Variants in ELOVL1 observed in about 807,000 individuals in gnomAD.
ELOVL1 encodes the protein very long chain fatty acid elongase 1.
A neutral mutation model predicts 37.8 loss-of-function variants in ELOVL1; 10 were observed. The ratio of observed to expected loss-of-function variants is 0.26; its 90% CI spans 0.16 to 0.45. The LOEUF (loss-of-function observed/expected upper bound fraction) is 0.45, where lower values mean the gene tolerates loss of function less well. ELOVL1 is among the 20% of genes least tolerant of loss of function. ELOVL1 has a pLI of 1.00. For synonymous variants in ELOVL1, 133 were observed against 123.8 expected, an observed-to-expected ratio of 1.07 and a Z score of -0.49; for missense variants, 256 against 352.7, an observed-to-expected ratio of 0.73 and a Z score of 2.20.
rs1433300793 is a variant in ELOVL1, at chr1:43,365,636, A to G, written c.-14-13T>C. On this transcript the variant is annotated splice_polypyrimidine_tract_variant and intron_variant, in intron 1 of 7. Transcript: ENST00000372458. ...CTGGCTAAGGACTCTGGGGAGGTACAGAGGGCGGATGTCAGACAGATCCCA... is the reference window on the plus strand; with the variant it reads ...CTGGCTAAGGACTCTGGGGAGGTACGGAGGGCGGATGTCAGACAGATCCCA... 8 of 1,613,944 alleles carry G rather than the reference A, an allele frequency of 5.0e-6. No individual in the cohort carries two copies. The highest frequency in any genetic ancestry group is 1.1e-5 in the South Asian group (1 of 91,084).
In ELOVL1 at chr1:43,364,885, T is replaced by C. The variant is rs557016041; in HGVS notation, c.318+43A>G. ...TTGAGCACAGGCCCCAAACTGGTCA[T>C]ATCTACCAGGTTGCTTATGACCTAG... On this transcript the variant is annotated intron_variant, in intron 4 of 7. Coordinates refer to ENST00000372458, the MANE Select transcript of ELOVL1 (RefSeq NM_022821.4). This position sits in a 1 kb window ranked among gnomAD's most constrained non-coding sequence, Gnocchi z 5.2. The C allele has an allele frequency of 2.6e-4, 414 of 1,613,804 alleles. No individual in the cohort carries two copies. The highest frequency in any genetic ancestry group is 3.3e-4 in the Non-Finnish European group (391 of 1,179,848).
chr1:43,364,275 C>G lies in ELOVL1; in HGVS notation c.618+49G>C, dbSNP rs757333738. The G allele has an allele frequency of 6.2e-7, 1 of 1,613,184 alleles. No homozygotes were observed. The highest frequency in any genetic ancestry group is 1.1e-5 in the South Asian group (1 of 90,992). ...AGACTGGATAAAGGCAGGATCCAGG[C>G]TAGGAATGTGGGGGGATGGTTATAG... On this transcript the variant is annotated intron_variant, in intron 7 of 7. Coordinates refer to ENST00000372458, the MANE Select transcript of ELOVL1 (RefSeq NM_022821.4). This position sits in a 1 kb window ranked among gnomAD's most constrained non-coding sequence, Gnocchi z 5.2.
intron 1 of ELOVL1, among the ~76,000 whole-genome samples, chr1:43,366,881 G>A (rs1337245244): frequency 6.6e-6 from 1 of 152,062 alleles, no homozygotes; most frequent in Admixed American, 6.5e-5. Context: ...CCTCTGGCCA[G>A]ACCCAGGAGA....
rs1647183882 is a variant in ELOVL1 at position 43,363,432 on chromosome 1, A to T, written c.*484T>A. 3 of 436,866 alleles carry T rather than the reference A, an allele frequency of 6.9e-6. No individual in the cohort carries two copies. The highest frequency in any genetic ancestry group is 1.2e-5 in the Non-Finnish European group (3 of 244,962). 27.1% of individuals were successfully genotyped at this position (436,866 alleles called of 1,614,324 possible). On this transcript the variant is annotated 3_prime_UTR_variant, in exon 8 of 8. Transcript: ENST00000372458. ...CCTCTGTCACTTTTAATTAAGACACAAGTTGAGTAAGCAGCCTCCACAGGC... is the reference window on the plus strand; with the variant it reads ...CCTCTGTCACTTTTAATTAAGACACTAGTTGAGTAAGCAGCCTCCACAGGC...
intron 1 of ELOVL1, chr1:43,367,123 C>G (rs1407618464): frequency 6.6e-6 from 1 of 152,598 alleles, no homozygotes; most frequent in Non-Finnish European, 1.5e-5. Context: ...CACCTCTCAC[C>G]TAGCTCTCCA....
In ELOVL1 at chr1:43,364,908, T is replaced by C. The variant is rs1647205308; in HGVS notation, c.318+20A>G. On this transcript the variant is annotated intron_variant, in intron 4 of 7. Transcript: ENST00000372458. The surrounding 1 kb of genome is among the most constrained non-coding windows in gnomAD (Gnocchi z 5.2). Reference sequence around the variant, plus strand: ...CATATCTACCAGGTTGCTTATGACCTAGCCCCAGCCCCTACTTACCCTAAG... The same window carrying C: ...CATATCTACCAGGTTGCTTATGACCCAGCCCCAGCCCCTACTTACCCTAAG... 5 of 1,613,870 alleles carry C rather than the reference T, an allele frequency of 3.1e-6. No individual in the cohort carries two copies. Among genetic ancestry groups the C allele is most frequent in the Non-Finnish European group, 4.2e-6 (5 of 1,179,940 alleles).
rs754174531 is a variant in ELOVL1, at chr1:43,364,476, AAGAC to A, written c.482-20_482-17del. The A allele has an allele frequency of 1.1e-5, 18 of 1,614,110 alleles. No individual in the cohort carries two copies. The highest frequency in any genetic ancestry group is 2.2e-5 in the East Asian group (1 of 44,884). ...CCCATTCCTCCTGTGAGTGGACAAT[AAGAC>A]AGGGTCAGCAGAGTCCAGCCTCTGG... On this transcript the variant is annotated splice_polypyrimidine_tract_variant and intron_variant, in intron 6 of 7. Transcript: ENST00000372458. The surrounding 1 kb of genome is among the most constrained non-coding windows in gnomAD (Gnocchi z 5.2).
rs922386674 is a variant in ELOVL1 at position 43,363,686 on chromosome 1, A to AGT, written c.*228_*229dup. On this transcript the variant is annotated 3_prime_UTR_variant, in exon 8 of 8. Coordinates refer to ENST00000372458, the MANE Select transcript of ELOVL1 (RefSeq NM_022821.4). ...CAGCCCTTTTAGCCCCCAGCTCTGGAGTGGCAGACAGCAATGAGGCCACAT... is the reference window on the plus strand; with the variant it reads ...CAGCCCTTTTAGCCCCCAGCTCTGGAGTGTGGCAGACAGCAATGAGGCCACAT... 5.3e-6 allele frequency: 3 copies of AGT among 565,344 alleles called. No homozygotes were observed. In the African/African-American group the frequency reaches 5.6e-5, roughly 11 times the overall value. The allele number at this position is 565,344 out of a possible 1,614,324, so 35.0% of individuals were successfully genotyped here. A position where few individuals can be genotyped will look rare whatever the true frequency, so the allele number is the denominator to read the frequency against.
At chr1:43,365,742 A>T in intron 1 of ELOVL1, 119 bp from the exon 2 acceptor site, 2 of 1,069,354 alleles carry the variant, frequency 1.9e-6, no homozygotes, top group Middle Eastern at 2.1e-4. Flanking sequence ...AGGACAGAAC[A>T]GTGAAAGGAA....
chr1:43,366,822 C>A (rs542797774), intron 1 of ELOVL1, among the ~76,000 whole-genome samples: 1 of 152,090 alleles, frequency 6.6e-6, no homozygotes, highest in Non-Finnish European at 1.5e-5. Context: ...GCCCCCTCCC[C>A]CTCAGGGCCT....
intron 1 of ELOVL1, among the ~76,000 whole-genome samples, chr1:43,365,894 C>T (rs557596637): frequency 5.3e-4 from 80 of 151,990 alleles, no homozygotes; most frequent in African/African-American, 1.9e-3. Context: ...ACTTCCTGGC[C>T]TCCCTTCCCC....
chr1:43,365,547 G>A lies in ELOVL1; in HGVS notation c.46+17C>T, dbSNP rs1346352157. On this transcript the variant is annotated intron_variant, in intron 2 of 7. Coordinates refer to ENST00000372458, the MANE Select transcript of ELOVL1 (RefSeq NM_022821.4). ...CCGGGAAAGAAGGAAGGAAAGGGCT[G>A]GTGGATAGCGTCTTACCTGCGTGCT... The A allele has an allele frequency of 7.4e-6, 12 of 1,613,952 alleles. No individual in the cohort carries two copies. Among genetic ancestry groups the A allele is most frequent in the Non-Finnish European group, 1.0e-5 (12 of 1,180,000 alleles).
intron 1 of ELOVL1, chr1:43,366,384 C>A (rs1647238020): frequency 6.5e-6 from 1 of 154,356 alleles, no homozygotes; most frequent in Admixed American, 6.4e-5. Flanking sequence ...CTAGATCTGG[C>A]AGCAGCCCCG....
rs772569715 is a variant in ELOVL1, at chr1:43,365,209, G to C, written c.214C>G (p.Leu72Val). 3 of 1,614,182 alleles carry C rather than the reference G, an allele frequency of 1.9e-6. No homozygotes were observed. The highest frequency in any genetic ancestry group is 3.3e-5 in the Admixed American group (2 of 60,024). ...ACCTCATAGACAATGTAGAGGGAGA[G>C]TGCCACCAGTGAGAAGTTGTAGACA... ...MIVYNFSLVA[L>V]SLYIVYEFLM... The change falls in exon 3 of 8, where the codon CTC (leucine) becomes GTC (valine). Residue 72 changes from leucine (L) to valine (V), a missense_variant. Leu to Val is a conservative substitution (Grantham distance 32, BLOSUM62 1). Coordinates refer to ENST00000372458, the MANE Select transcript of ELOVL1 (RefSeq NM_022821.4).
chr1:43,365,509 A>G, intron 2 of ELOVL1, 55 bp downstream of exon 2: 1 of 1,612,812 alleles, frequency 6.2e-7, no homozygotes, highest in Middle Eastern at 1.7e-4. Flanking sequence ...AGACAGCCGT[A>G]GATCCAGGGA....
At chr1:43,365,664 G>A in intron 1 of ELOVL1, 41 bp from the exon 2 acceptor site, 1 of 1,587,176 alleles carries the variant, frequency 6.3e-7, no homozygotes, top group Non-Finnish European at 8.7e-7. Flanking sequence ...AGATCCCACT[G>A]CACACCCCCA....
chr1:43,365,012 G>C lies in ELOVL1; in HGVS notation c.238-4C>G. On this transcript the variant is annotated splice_polypyrimidine_tract_variant and splice_region_variant and intron_variant, in intron 3 of 7. Coordinates refer to ENST00000372458, the MANE Select transcript of ELOVL1 (RefSeq NM_022821.4). Reference sequence around the variant, plus strand: ...TCAGCCAGCCCGACATCAGGAACTGGGAAGGGATGTGGATTAGACCACCAG... The same window carrying C: ...TCAGCCAGCCCGACATCAGGAACTGCGAAGGGATGTGGATTAGACCACCAG... 6.2e-7 allele frequency: 1 copy of C among 1,612,772 alleles called. No individual in the cohort carries two copies. Among genetic ancestry groups the C allele is most frequent in the East Asian group, 2.2e-5 (1 of 44,818 alleles).
intron 2 of ELOVL1, 65 bp downstream of exon 2, chr1:43,365,499 A>C: frequency 6.2e-7 from 1 of 1,613,234 alleles, no homozygotes; most frequent in Non-Finnish European, 8.5e-7. Flanking sequence ...CTCCATTAGA[A>C]GACAGCCGTA....
chr1:43,363,833 G>T lies in ELOVL1; in HGVS notation c.*83C>A. ...GACCACATAAGCCTTGGTCACAGGT[G>T]TAGGTGGAGAGGGCACTGACGGACA... On this transcript the variant is annotated 3_prime_UTR_variant, in exon 8 of 8. Coordinates refer to ENST00000372458, the MANE Select transcript of ELOVL1 (RefSeq NM_022821.4). The T allele has an allele frequency of 7.8e-7, 1 of 1,278,226 alleles. No individual in the cohort carries two copies. The highest frequency in any genetic ancestry group is 1.1e-6 in the Non-Finnish European group (1 of 886,142). 79.2% of individuals were successfully genotyped at this position (1,278,226 alleles called of 1,614,324 possible). A position where few individuals can be genotyped will look rare whatever the true frequency, so the allele number is the denominator to read the frequency against.
Sources: allele counts gnomAD v4.1 joint callset (sites outside exome capture counted in the v4.1 genomes callset), GRCh38; gene constraint gnomAD v4.1.1; non-coding constraint Gnocchi (gnomAD v3.1); transcripts MANE v1.5; gene names NCBI Gene and HGNC (gene_info 2026-07-23, HGNC 2026-07-21).